Variants in GABRB3 observed in about 807,000 individuals in gnomAD.
The protein encoded by GABRB3 is gamma-aminobutyric acid receptor subunit beta-3.
GABRB3 carries 14 observed loss-of-function variants against 52.1 expected under a neutral mutation model. The observed-to-expected ratio is 0.27, with a 90% CI of 0.18 to 0.42. The LOEUF is 0.42. GABRB3 is among the 10% of genes least tolerant of loss of function. GABRB3 has a pLI of 1.00. For synonymous variants in GABRB3, 260 were observed against 232.3 expected (o/e 1.12, Z -1.08); for missense variants, 307 against 609.1 (o/e 0.50, Z 5.22).
intron 3 of GABRB3, among the ~76,000 whole-genome samples, chr15:26,740,944 C>A (rs1007568740): frequency 6.6e-6 from 1 of 152,020 alleles, no homozygotes; most frequent in Non-Finnish European, 1.5e-5. Context: ...GGGAGCAGCA[C>A]GGAGCCGACT....
At chr15:26,672,578 T>C (rs1212041496) in intron 3 of GABRB3, among the ~76,000 whole-genome samples, 1 of 152,202 alleles carries the variant, frequency 6.6e-6, no homozygotes, top group Non-Finnish European at 1.5e-5. Context: ...AGGCCTTTTC[T>C]TCTGTTCACC....
At chr15:26,722,815 C>T (rs1406784523) in intron 3 of GABRB3, among the ~76,000 whole-genome samples, 2 of 152,140 alleles carry the variant, frequency 1.3e-5, no homozygotes, top group Non-Finnish European at 2.9e-5. Flanking sequence ...TGGGCTTCCT[C>T]GTTCTGGCTC....
intron 3 of GABRB3, among the ~76,000 whole-genome samples, chr15:26,761,363 C>G (rs2140183743): frequency 6.6e-6 from 1 of 151,474 alleles, no homozygotes; most frequent in Non-Finnish European, 1.5e-5. Flanking sequence ...GCATTGCACT[C>G]CAGCCTGGGT....
intron 3 of GABRB3, among the ~76,000 whole-genome samples, chr15:26,648,694 C>T (rs1887093025): frequency 6.6e-6 from 1 of 152,140 alleles, no homozygotes; most frequent in Non-Finnish European, 1.5e-5. Context: ...CCCAGGAGGT[C>T]ACAGGAGAGA....
intron 3 of GABRB3, chr15:26,628,827 A>C: frequency 1.2e-6 from 1 of 804,556 alleles, no homozygotes; most frequent in Non-Finnish European, 2.0e-6. Context: ...CCCTAGAGAG[A>C]CGAAAGGGGG....
chr15:26,654,340 G>GT (rs1887298209), intron 3 of GABRB3, among the ~76,000 whole-genome samples: 1 of 152,116 alleles, frequency 6.6e-6, no homozygotes, highest in Non-Finnish European at 1.5e-5. Flanking sequence ...TAGAGACAGG[G>GT]TTTCACCATG....
At chr15:26,741,687 C>T (rs536699786) in intron 3 of GABRB3, among the ~76,000 whole-genome samples, 2 of 152,302 alleles carry the variant, frequency 1.3e-5, no homozygotes, top group African/African-American at 2.4e-5. Flanking sequence ...TAGCTCACTG[C>T]AGTCTCAAAC....
At chr15:26,572,048 A>G (rs914492790) in intron 6 of GABRB3, among the ~76,000 whole-genome samples, 21 of 120,808 alleles carry the variant, frequency 1.7e-4, no homozygotes, top group African/African-American at 2.6e-4. Flanking sequence ...CCGTCTCAAG[A>G]AAAAAAAAAA....
chr15:26,653,492 A>C (rs1887261215), intron 3 of GABRB3, among the ~76,000 whole-genome samples: 1 of 152,050 alleles, frequency 6.6e-6, no homozygotes, highest in Non-Finnish European at 1.5e-5. Flanking sequence ...ACCAATCAGC[A>C]CTCCCCACTC....
chr15:26,680,188 G>A (rs113909448), intron 3 of GABRB3, among the ~76,000 whole-genome samples: 22,250 of 152,186 alleles, frequency 0.15, 1,775 homozygotes, highest in Non-Finnish European at 0.19. Context: ...TGTAGACTAA[G>A]GCTGCAGCAT....
At chr15:26,688,836 T>G (rs1888488772) in intron 3 of GABRB3, among the ~76,000 whole-genome samples, 1 of 152,196 alleles carries the variant, frequency 6.6e-6, no homozygotes, top group South Asian at 2.1e-4. Context: ...CCATAGATGA[T>G]TTCAGCTGTC....
chr15:26,545,169 G>C lies in GABRB3; in HGVS notation c.*2624C>G, dbSNP rs1459981023. Reference sequence around the variant, plus strand: ...CAAGGATCTTAAAAAGTTTTTTTTTGTTTTTACAGAATATATGTATGTATT... The same window carrying C: ...CAAGGATCTTAAAAAGTTTTTTTTTCTTTTTACAGAATATATGTATGTATT... On this transcript the variant is annotated 3_prime_UTR_variant, in exon 9 of 9. Coordinates refer to ENST00000311550, the MANE Select transcript of GABRB3 (RefSeq NM_000814.6). 1 of 150,544 alleles carries C rather than the reference G, an allele frequency of 6.6e-6. No homozygotes were observed. Among genetic ancestry groups the C allele is most frequent in the Admixed American group, 6.6e-5 (1 of 15,048 alleles). 9.3% of individuals were successfully genotyped at this position (150,544 alleles called of 1,614,324 possible).
intron 4 of GABRB3, among the ~76,000 whole-genome samples, chr15:26,597,995 T>C (rs1272058416): frequency 6.6e-6 from 1 of 152,156 alleles, no homozygotes; most frequent in Non-Finnish European, 1.5e-5. Flanking sequence ...AAATGGGCTG[T>C]GGAAAGGGAA....
chr15:26,764,379 T>C (rs3212343), intron 3 of GABRB3, among the ~76,000 whole-genome samples: 139,131 of 151,626 alleles, frequency 0.92, 63,884 homozygotes, highest in East Asian at 1. Context: ...TAAAGAACTG[T>C]GATGTTCTCA....
Position 26,661,970 on chromosome 15 carries a change from A to C in GABRB3, c.241-40436T>G, listed in dbSNP as rs1887566706. On this transcript the variant is annotated intron_variant, in intron 3 of 8. Coordinates refer to ENST00000311550, the MANE Select transcript of GABRB3 (RefSeq NM_000814.6). ...ATGTTGCATTATATAACAGACACTG[A>C]GTATTCAATTAAACGCAGCCGAGAT... Among the ~76,000 whole-genome samples, 3 of 152,206 alleles carry C rather than the reference A, an allele frequency of 2.0e-5. No homozygotes were observed. The South Asian group carries it at 6.2e-4, about 31-fold the overall frequency.
Position 26,750,937 on chromosome 15 carries a change from A to G in GABRB3, c.240+21465T>C, listed in dbSNP as rs545937317. 2.2e-4 allele frequency among the ~76,000 whole-genome samples: 34 copies of G among 152,346 alleles called. No individual in the cohort carries two copies. The South Asian group carries it at 3.9e-3, about 18-fold the overall frequency. ...ATTTATTTTCAGATTTCATTATGAT[A>G]TAATCAGATGTGTTTATTCTTAAGT... On this transcript the variant is annotated intron_variant, in intron 3 of 8. Transcript: ENST00000311550.
At chr15:26,567,035 T>A (rs1389338785) in intron 7 of GABRB3, among the ~76,000 whole-genome samples, 12 of 152,214 alleles carry the variant, frequency 7.9e-5, no homozygotes, top group Non-Finnish European at 8.8e-5. Context: ...ATCAAAATGC[T>A]AAAAATAATA....
intron 3 of GABRB3, among the ~76,000 whole-genome samples, chr15:26,719,784 G>T (rs1007314522): frequency 2.6e-5 from 4 of 152,128 alleles, no homozygotes; most frequent in African/African-American, 9.7e-5. Flanking sequence ...ATAAGAGAAA[G>T]ATGAGAAACA....
chr15:26,700,706 G>T (rs7171345), intron 3 of GABRB3, among the ~76,000 whole-genome samples: 63,001 of 152,082 alleles, frequency 0.41, 13,770 homozygotes, highest in African/African-American at 0.56. Flanking sequence ...AAAATTGGTT[G>T]ATCCCAATAG....
Sources: gnomAD v4.1 joint callset for allele counts (sites outside exome capture counted in the v4.1 genomes callset) on GRCh38, gnomAD v4.1.1 for gene constraint, MANE v1.5 for transcripts, NCBI Gene and HGNC (gene_info 2026-07-23, HGNC 2026-07-21) for gene names.